GPR158: variants seen among roughly 807,000 people sequenced by gnomAD.
GPR158 encodes the protein metabotropic glycine receptor.
In GPR158, 30 loss-of-function variants were observed where a neutral mutation model predicts 78.2. That is an observed-to-expected ratio of 0.38 (90% CI 0.29 to 0.52). GPR158 has a LOEUF of 0.52. GPR158 is among the 20% of genes least tolerant of loss of function. The pLI, the probability that GPR158 is intolerant of heterozygous loss-of-function variation, is 0.83. For missense variants in GPR158, 1,463 were observed against 1,523.5 expected (o/e 0.96, Z 0.66); for synonymous variants, 581 against 591.1 (o/e 0.98, Z 0.25).
At chr10:25,472,125 G>C (rs1275630053) in intron 5 of GPR158, among the ~76,000 whole-genome samples, 1 of 152,026 alleles carries the variant, frequency 6.6e-6, no homozygotes, top group Non-Finnish European at 1.5e-5. Flanking sequence ...AATCCATTTT[G>C]AATTAATTTT....
intron 5 of GPR158, among the ~76,000 whole-genome samples, chr10:25,483,750 T>C (rs1412604085): frequency 6.6e-6 from 1 of 152,200 alleles, no homozygotes; most frequent in Non-Finnish European, 1.5e-5. Context: ...ATGTGGAGTA[T>C]GGCTCTTCTT....
intron 2 of GPR158, among the ~76,000 whole-genome samples, chr10:25,295,422 C>CT (rs147896965): frequency 0.07 from 10,599 of 151,376 alleles, 1,100 homozygotes; most frequent in African/African-American, 0.23. Flanking sequence ...ACTTCTCTTT[C>CT]TTTTTTTTTG....
At chr10:25,463,011 A>G (rs1473719732) in intron 4 of GPR158, among the ~76,000 whole-genome samples, 2 of 152,212 alleles carry the variant, frequency 1.3e-5, no homozygotes, top group Non-Finnish European at 2.9e-5. Flanking sequence ...GAAATCTCTC[A>G]TGAAAGGAAG....
intron 5 of GPR158, among the ~76,000 whole-genome samples, chr10:25,502,102 G>C (rs1835951510): frequency 6.6e-6 from 1 of 152,140 alleles, no homozygotes; most frequent in Non-Finnish European, 1.5e-5. Flanking sequence ...TCTAATTCCT[G>C]CTTCTTGAGA....
intron 5 of GPR158, among the ~76,000 whole-genome samples, chr10:25,546,827 G>A (rs901151763): frequency 2.0e-5 from 3 of 152,136 alleles, no homozygotes; most frequent in Non-Finnish European, 4.4e-5. Context: ...GAGGCTTGAA[G>A]GGGTGAACAG....
intron 5 of GPR158, among the ~76,000 whole-genome samples, chr10:25,480,366 A>G (rs912489123): frequency 2.0e-5 from 3 of 152,216 alleles, no homozygotes; most frequent in Admixed American, 2.0e-4. Flanking sequence ...CAGTGTAACT[A>G]TTTTAAATGC....
rs577933061 is a variant in GPR158 at position 25,601,292 on chromosome 10, T to G, written c.*2018T>G. 22 of 152,690 alleles carry G rather than the reference T, an allele frequency of 1.4e-4. No homozygotes were observed. The highest frequency in any genetic ancestry group is 5.1e-4 in the African/African-American group (21 of 41,552). The allele number at this position is 152,690 out of a possible 1,614,324, so 9.5% of individuals were successfully genotyped here. On this transcript the variant is annotated 3_prime_UTR_variant, in exon 11 of 11. Transcript: ENST00000376351. Reference sequence around the variant, plus strand: ...TTATGCATTACTCAGGTTGGTGGGGTCGGTTTGAGAAGATATAGAAATTCT... The same window carrying G: ...TTATGCATTACTCAGGTTGGTGGGGGCGGTTTGAGAAGATATAGAAATTCT...
chr10:25,596,235 TATG>T (rs1210693817), intron 9 of GPR158, among the ~76,000 whole-genome samples: 3 of 152,164 alleles, frequency 2.0e-5, no homozygotes. Context: ...ACCAGTGGCG[TATG>T]ATATTTTGGA....
intron 1 of GPR158, among the ~76,000 whole-genome samples, chr10:25,206,282 C>T (rs1054645881): frequency 5.3e-5 from 8 of 152,104 alleles, no homozygotes; most frequent in East Asian, 1.9e-4. Flanking sequence ...CCACCGCGCC[C>T]GGCCCAGATA....
intron 2 of GPR158, among the ~76,000 whole-genome samples, chr10:25,241,171 TTCTTTC>T (rs1451133686): frequency 2.4e-5 from 3 of 125,674 alleles, no homozygotes; most frequent in African/African-American, 1.2e-4. Context: ...CTTTCTTTCT[TTCTTTC>T]TTTCTTTCTT....
At chr10:25,285,259 C>T (rs1253801483) in intron 2 of GPR158, among the ~76,000 whole-genome samples, 2 of 150,550 alleles carry the variant, frequency 1.3e-5, no homozygotes, top group Admixed American at 1.3e-4. Flanking sequence ...CTTTCTCCTT[C>T]TCTCTCTCTA....
At chr10:25,264,088 C>G (rs952357276) in intron 2 of GPR158, among the ~76,000 whole-genome samples, 1 of 152,034 alleles carries the variant, frequency 6.6e-6, no homozygotes, top group Non-Finnish European at 1.5e-5. Context: ...CTCTCATAAC[C>G]CAAACCAGCA....
At chr10:25,370,056 C>G (rs1267545621) in intron 2 of GPR158, among the ~76,000 whole-genome samples, 1 of 143,564 alleles carries the variant, frequency 7.0e-6, no homozygotes, top group Non-Finnish European at 1.6e-5. Flanking sequence ...ATTCTTCTCT[C>G]TTTTTTTCTT....
intron 5 of GPR158, among the ~76,000 whole-genome samples, chr10:25,507,576 T>C (rs965513486): frequency 4.6e-5 from 7 of 152,226 alleles, no homozygotes; most frequent in Admixed American, 2.0e-4. Context: ...TATAGAAATA[T>C]GTTTATAGCA....
At chr10:25,575,199 G>A (rs1040901855) in intron 7 of GPR158, among the ~76,000 whole-genome samples, 4 of 152,156 alleles carry the variant, frequency 2.6e-5, no homozygotes, top group Admixed American at 2.6e-4. Context: ...TATATTGTGA[G>A]TTTATTAAGT....
At chr10:25,498,203 T>C (rs189584075) in intron 5 of GPR158, among the ~76,000 whole-genome samples, 21 of 152,320 alleles carry the variant, frequency 1.4e-4, no homozygotes, top group Admixed American at 7.8e-4. Flanking sequence ...ACACATGCCT[T>C]ACTCAGTTCC....
chr10:25,373,423 T>A (rs1289445085), intron 2 of GPR158, among the ~76,000 whole-genome samples: 2 of 151,926 alleles, frequency 1.3e-5, no homozygotes, highest in African/African-American at 4.8e-5. Flanking sequence ...GTATTTCAAA[T>A]ATGTGTCTGT....
intron 5 of GPR158, among the ~76,000 whole-genome samples, chr10:25,549,927 A>G (rs1414210613): frequency 6.6e-6 from 1 of 152,204 alleles, no homozygotes; most frequent in Non-Finnish European, 1.5e-5. Flanking sequence ...ATTTTCTGTT[A>G]CGACCTTGCT....
At chr10:25,381,354 A>G (rs938599280) in intron 2 of GPR158, among the ~76,000 whole-genome samples, 2 of 152,202 alleles carry the variant, frequency 1.3e-5, no homozygotes, top group Non-Finnish European at 2.9e-5. Flanking sequence ...AAATGGAGAT[A>G]ATGAGCATAG....
Sources: gnomAD v4.1 joint callset for allele counts (sites outside exome capture counted in the v4.1 genomes callset) on GRCh38, gnomAD v4.1.1 for gene constraint, MANE v1.5 for transcripts, NCBI Gene and HGNC (gene_info 2026-07-23, HGNC 2026-07-21) for gene names.